The following FRMD4B variants were observed in gnomAD, a reference collection of about 807,000 sequenced individuals.
The protein encoded by FRMD4B is FERM domain containing 4B, also known as FERM domain-containing protein 4B.
FRMD4B carries 74 observed loss-of-function variants against 141.5 expected under a neutral mutation model. The ratio of observed to expected loss-of-function variants is 0.52; its 90% CI spans 0.43 to 0.63. The LOEUF is 0.63. FRMD4B is among the 30% of genes least tolerant of loss of function. The pLI, the probability that FRMD4B is intolerant of heterozygous loss-of-function variation, is 0.00. For missense variants in FRMD4B, 1,366 were observed against 1,253.4 expected, an observed-to-expected ratio of 1.09 and a Z score of -1.36; for synonymous variants, 506 against 467.9, an observed-to-expected ratio of 1.08 and a Z score of -1.05.
At chr3:69,399,959 A>T (rs1704532642) in intron 2 of FRMD4B, among the ~76,000 whole-genome samples, 4 of 152,198 alleles carry the variant, frequency 2.6e-5, no homozygotes, top group Admixed American at 2.6e-4. Context: ...TAATGAGCTC[A>T]GTTGTTAGTT....
chr3:69,309,823 T>C (rs1483619083), intron 3 of FRMD4B, among the ~76,000 whole-genome samples: 5 of 152,032 alleles, frequency 3.3e-5, no homozygotes, highest in Non-Finnish European at 7.4e-5. Context: ...GCCTAAATTA[T>C]AGTGCTTATA....
chr3:69,472,435 T>TA, intron 1 of FRMD4B: 1 of 453,718 alleles, frequency 2.2e-6, no homozygotes, highest in Non-Finnish European at 4.4e-6. Flanking sequence ...AATTAATCAC[T>TA]AAAAAGGCCA....
intron 1 of FRMD4B, among the ~76,000 whole-genome samples, chr3:69,324,330 GTTCA>G (rs1242897343): frequency 6.6e-6 from 1 of 152,234 alleles, no homozygotes; most frequent in Non-Finnish European, 1.5e-5. Flanking sequence ...TGGATTATGT[GTTCA>G]TTCATTCACT....
At chr3:69,352,756 C>T (rs796931235) in intron 1 of FRMD4B, among the ~76,000 whole-genome samples, 2 of 152,160 alleles carry the variant, frequency 1.3e-5, no homozygotes, top group Non-Finnish European at 2.9e-5. Flanking sequence ...ATGGCATTTC[C>T]GAGGTTTCTA....
intron 7 of FRMD4B, 95 bp from the exon 8 acceptor site, chr3:69,224,785 T>G: frequency 1.4e-6 from 1 of 694,310 alleles, no homozygotes; most frequent in South Asian, 1.7e-5. Context: ...AAATAACTAT[T>G]TACAGCATGT....
intron 2 of FRMD4B, among the ~76,000 whole-genome samples, chr3:69,396,505 A>AT (rs2106738681): frequency 6.7e-6 from 1 of 150,196 alleles, no homozygotes; most frequent in South Asian, 2.1e-4. Flanking sequence ...ACTCTGTCTC[A>AT]TAAAAAAAAA....
At chr3:69,421,775 T>C (rs1704985827) in intron 2 of FRMD4B, among the ~76,000 whole-genome samples, 1 of 152,346 alleles carries the variant, frequency 6.6e-6, no homozygotes, top group African/African-American at 2.4e-5. Flanking sequence ...CTGAAACATG[T>C]CCAGCTTTGT....
intron 2 of FRMD4B, among the ~76,000 whole-genome samples, chr3:69,412,010 C>T (rs1704769109): frequency 6.6e-6 from 1 of 152,216 alleles, no homozygotes; most frequent in Non-Finnish European, 1.5e-5. Flanking sequence ...ACAGTAAAAA[C>T]AGGTAACATT....
Position 69,365,912 on chromosome 3 carries a change from A to T in FRMD4B, c.162+19916T>A, listed in dbSNP as rs190579753. ...TATGTATAAGAATGGTTACTGTAGCATTGTCTTAGTAAAAATTAGAAACAG... is the reference window on the plus strand; with the variant it reads ...TATGTATAAGAATGGTTACTGTAGCTTTGTCTTAGTAAAAATTAGAAACAG... On this transcript the variant is annotated intron_variant, in intron 1 of 22. Transcript: ENST00000398540. Among the ~76,000 whole-genome samples the T allele has an allele frequency of 1.2e-3, 180 of 152,168 alleles. 2 individuals are homozygous for T. The highest frequency in any genetic ancestry group is 3.9e-3 in the African/African-American group (164 of 41,526).
chr3:69,206,333 G>C (rs925631584), intron 11 of FRMD4B, among the ~76,000 whole-genome samples: 2 of 152,114 alleles, frequency 1.3e-5, no homozygotes, highest in African/African-American at 2.4e-5. Flanking sequence ...CTGGGCGACA[G>C]AGTGACACTC....
intron 1 of FRMD4B, among the ~76,000 whole-genome samples, chr3:69,536,939 G>T (rs1701096753): frequency 6.6e-6 from 1 of 151,950 alleles, no homozygotes; most frequent in African/African-American, 2.4e-5. Flanking sequence ...GTAGGAATGA[G>T]GTCTTCCTAG....
chr3:69,531,236 T>C (rs1444931614), intron 1 of FRMD4B, among the ~76,000 whole-genome samples: 2 of 152,174 alleles, frequency 1.3e-5, no homozygotes, highest in Non-Finnish European at 2.9e-5. Context: ...GTAATAATGG[T>C]AACTCTAAAA....
intron 11 of FRMD4B, among the ~76,000 whole-genome samples, chr3:69,209,425 G>C (rs769257160): frequency 1.3e-5 from 2 of 152,164 alleles, no homozygotes; most frequent in Non-Finnish European, 2.9e-5. Context: ...TTAAAGTATG[G>C]TGTGGAGGGG....
chr3:69,309,738 C>T (rs1701514115), intron 3 of FRMD4B, among the ~76,000 whole-genome samples: 1 of 151,598 alleles, frequency 6.6e-6, no homozygotes, highest in Non-Finnish European at 1.5e-5. Flanking sequence ...TGAACTATCA[C>T]ACCCGGCCAA....
At chr3:69,328,412 C>T (rs1702253775) in intron 1 of FRMD4B, among the ~76,000 whole-genome samples, 2 of 152,126 alleles carry the variant, frequency 1.3e-5, no homozygotes, top group African/African-American at 4.8e-5. Context: ...AAATCAGTGT[C>T]CCTTTTTCCC....
chr3:69,363,534 C>T (rs937876531), intron 1 of FRMD4B, among the ~76,000 whole-genome samples: 7 of 152,112 alleles, frequency 4.6e-5, no homozygotes, highest in East Asian at 3.9e-4. Context: ...GGACTACAGG[C>T]GCCTGCCACC....
At chr3:69,528,697 G>T (rs1575601768) in intron 1 of FRMD4B, among the ~76,000 whole-genome samples, 1 of 151,852 alleles carries the variant, frequency 6.6e-6, no homozygotes, top group South Asian at 2.1e-4. Context: ...TCCTCCAGAA[G>T]CCAACCCCAA....
intron 1 of FRMD4B, among the ~76,000 whole-genome samples, chr3:69,511,278 T>C (rs1007254254): frequency 2.0e-5 from 3 of 152,228 alleles, no homozygotes; most frequent in Admixed American, 2.0e-4. Flanking sequence ...GGATAAGTTT[T>C]TTAAAAATCT....
rs968683686 is a variant in FRMD4B at position 69,333,410 on chromosome 3, C to A, written c.163-19893G>T. Among the ~76,000 whole-genome samples, 13 of 152,106 alleles carry A rather than the reference C, an allele frequency of 8.5e-5. 1 individual carries two copies. On this transcript the variant is annotated intron_variant, in intron 1 of 22. Coordinates refer to ENST00000398540, the MANE Select transcript of FRMD4B (RefSeq NM_015123.3). The stretch of plus-strand genomic sequence containing the variant: ...AAACGTGGAGAAAAAAGATATGAAC[C>A]TGGAAAAGTCAAATGAGCCAGATCA...
Sources: allele counts gnomAD v4.1 joint callset (sites outside exome capture counted in the v4.1 genomes callset), GRCh38; gene constraint gnomAD v4.1.1; transcripts MANE v1.5; gene names NCBI Gene and HGNC (gene_info 2026-07-23, HGNC 2026-07-21).